Variants in CNTLN observed in about 807,000 individuals in gnomAD.
CNTLN encodes centlein, centrosomal protein.
CNTLN carries 212 observed loss-of-function variants against 180.0 expected under a neutral mutation model. The ratio of observed to expected loss-of-function variants is 1.18; its 90% CI spans 1.05 to 1.32. CNTLN has a LOEUF of 1.32. Ranked by LOEUF, CNTLN falls within the 40% of genes most tolerant of loss-of-function variation. CNTLN has a pLI of 0.00. For synonymous variants in CNTLN, 722 were observed against 563.1 expected (o/e 1.28, Z -3.99); for missense variants, 2,095 against 1,610.9 (o/e 1.30, Z -5.14).
intron 18 of CNTLN, among the ~76,000 whole-genome samples, chr9:17,427,525 G>A (rs1313753705): frequency 1.3e-5 from 2 of 152,044 alleles, no homozygotes; most frequent in African/African-American, 4.8e-5. Context: ...AATCTCACAT[G>A]AACTTTCAGT....
At chr9:17,306,605 C>T (rs1225590323) in intron 7 of CNTLN, among the ~76,000 whole-genome samples, 3 of 152,184 alleles carry the variant, frequency 2.0e-5, no homozygotes, top group Non-Finnish European at 2.9e-5. Context: ...ATCCTTGGCA[C>T]TAGTGGCCAG....
chr9:17,402,251 G>T (rs143616009), intron 15 of CNTLN, among the ~76,000 whole-genome samples: 2 of 151,762 alleles, frequency 1.3e-5, no homozygotes, highest in African/African-American at 2.4e-5. Context: ...AAATAGGAAG[G>T]CATAGCCAAA....
chr9:17,388,275 T>G, intron 14 of CNTLN, 22 bp downstream of exon 14: 1 of 1,475,596 alleles, frequency 6.8e-7, no homozygotes, highest in South Asian at 1.2e-5. Context: ...TTTAAGATAT[T>G]GAGCTGAGCA....
chr9:17,401,870 A>T (rs938607915), intron 15 of CNTLN, among the ~76,000 whole-genome samples: 5 of 151,886 alleles, frequency 3.3e-5, no homozygotes, highest in African/African-American at 1.2e-4. Flanking sequence ...GTTAAAAGTC[A>T]AATGACTAAC....
At chr9:17,363,062 A>G (rs1823533182) in intron 12 of CNTLN, among the ~76,000 whole-genome samples, 1 of 152,194 alleles carries the variant, frequency 6.6e-6, no homozygotes, top group South Asian at 2.1e-4. Context: ...AAAGGACATG[A>G]AGTCATCCTT....
intron 14 of CNTLN, among the ~76,000 whole-genome samples, chr9:17,392,951 T>C (rs1179700088): frequency 6.6e-6 from 1 of 152,182 alleles, no homozygotes; most frequent in Non-Finnish European, 1.5e-5. Flanking sequence ...ATTTCTGGAA[T>C]ATTATTATTT....
chr9:17,279,479 G>A (rs1251976005), intron 6 of CNTLN, among the ~76,000 whole-genome samples: 3 of 152,138 alleles, frequency 2.0e-5, no homozygotes, highest in African/African-American at 4.8e-5. Flanking sequence ...TAAAGGAGCC[G>A]TTGTTTGATT....
chr9:17,232,457 A>T (rs1347745686), intron 3 of CNTLN, among the ~76,000 whole-genome samples: 1 of 151,134 alleles, frequency 6.6e-6, no homozygotes, highest in Non-Finnish European at 1.5e-5. Flanking sequence ...AGGACTCTCT[A>T]TTGGTATCAT....
At chr9:17,434,965 T>C (rs1403249923) in intron 18 of CNTLN, among the ~76,000 whole-genome samples, 3 of 152,210 alleles carry the variant, frequency 2.0e-5, no homozygotes, top group African/African-American at 7.2e-5. Flanking sequence ...TCTGTCTGGC[T>C]ACTTTCAAGA....
intron 3 of CNTLN, among the ~76,000 whole-genome samples, chr9:17,230,570 C>T (rs1349527178): frequency 6.6e-6 from 1 of 151,504 alleles, no homozygotes; most frequent in Admixed American, 6.6e-5. Context: ...TTGGGTATTT[C>T]CCTTTTCCAA....
At chr9:17,491,901 A>G (rs952138392) in intron 25 of CNTLN, among the ~76,000 whole-genome samples, 1 of 141,166 alleles carries the variant, frequency 7.1e-6, no homozygotes, top group East Asian at 2.0e-4. Context: ...TGTAAATAGA[A>G]TATACTACTA....
intron 25 of CNTLN, among the ~76,000 whole-genome samples, chr9:17,501,155 G>C (rs895166774): frequency 1.3e-5 from 2 of 152,122 alleles, no homozygotes; most frequent in African/African-American, 4.8e-5. Context: ...CTATTCATCT[G>C]TATCTTAAAA....
At chr9:17,219,663 T>A (rs1824001709) in intron 2 of CNTLN, among the ~76,000 whole-genome samples, 1 of 152,148 alleles carries the variant, frequency 6.6e-6, no homozygotes, top group African/African-American at 2.4e-5. Context: ...AGTGTGTTAT[T>A]GTTATTTTGG....
At chr9:17,413,641 T>A (rs1314574820) in intron 16 of CNTLN, among the ~76,000 whole-genome samples, 1 of 152,136 alleles carries the variant, frequency 6.6e-6, no homozygotes, top group Non-Finnish European at 1.5e-5. Flanking sequence ...GATATACGGA[T>A]GGCAAATAAG....
chr9:17,216,577 A>G (rs1375626775), intron 2 of CNTLN, among the ~76,000 whole-genome samples: 1 of 152,172 alleles, frequency 6.6e-6, no homozygotes, highest in Non-Finnish European at 1.5e-5. Flanking sequence ...ATTTAATTTC[A>G]TAGTAAAGGA....
intron 12 of CNTLN, among the ~76,000 whole-genome samples, chr9:17,357,785 A>C (rs1382092981): frequency 6.6e-6 from 1 of 151,552 alleles, no homozygotes; most frequent in Non-Finnish European, 1.5e-5. Context: ...CTTTAGAATA[A>C]ATAACCTTAA....
chr9:17,480,069 T>C (rs1430991133), intron 23 of CNTLN, among the ~76,000 whole-genome samples: 1 of 152,100 alleles, frequency 6.6e-6, no homozygotes, highest in East Asian at 1.9e-4. Context: ...CTCATGCTTG[T>C]AATCCCAACA....
chr9:17,331,457 A>C (rs1181328750), intron 9 of CNTLN, among the ~76,000 whole-genome samples: 2 of 151,956 alleles, frequency 1.3e-5, no homozygotes, highest in Non-Finnish European at 2.9e-5. Context: ...CATGTAGTAC[A>C]TACATTATTT....
At chr9:17,507,503 A>G (rs542644842), downstream of CNTLN, among the ~76,000 whole-genome samples, 33 of 152,314 alleles carry the variant, frequency 2.2e-4, no homozygotes, top group Middle Eastern at 6.8e-3. Context: ...CTTTGCATAT[A>G]TAACTACTAA....
Sources: allele counts gnomAD v4.1 joint callset (sites outside exome capture counted in the v4.1 genomes callset), GRCh38; gene constraint gnomAD v4.1.1; transcripts MANE v1.5; gene names NCBI Gene and HGNC (gene_info 2026-07-23, HGNC 2026-07-21).